The following FHIT variants were observed in gnomAD, a reference collection of about 807,000 sequenced individuals.
The protein encoded by FHIT is bis(5'-adenosyl)-triphosphatase.
Under a neutral mutation model 17.9 loss-of-function variants are expected in FHIT, and 19 were observed. The ratio of observed to expected loss-of-function variants is 1.06; its 90% CI spans 0.74 to 1.56. The LOEUF (loss-of-function observed/expected upper bound fraction) is 1.56. Among genes scored for constraint, FHIT ranks in the 40% most tolerant of loss-of-function variants. The pLI is 0.00. For missense variants in FHIT, 248 were observed against 189.2 expected (o/e 1.31, Z -1.82); for synonymous variants, 81 against 69.7 (o/e 1.16, Z -0.81).
At chr3:60,059,565 T>C (rs937801830) in intron 5 of FHIT, among the ~76,000 whole-genome samples, 1 of 152,178 alleles carries the variant, frequency 6.6e-6, no homozygotes, top group Non-Finnish European at 1.5e-5. Context: ...TAAAGCTTTT[T>C]AATAAACTTC....
At chr3:60,632,966 T>C (rs2039485492) in intron 4 of FHIT, among the ~76,000 whole-genome samples, 1 of 152,134 alleles carries the variant, frequency 6.6e-6, no homozygotes, top group South Asian at 2.1e-4. Flanking sequence ...CCTTCAGAGG[T>C]AGGTATCTTG....
At chr3:60,051,835 G>GA (rs1308528859) in intron 5 of FHIT, among the ~76,000 whole-genome samples, 1 of 151,932 alleles carries the variant, frequency 6.6e-6, no homozygotes, top group African/African-American at 2.4e-5. Context: ...CAACATACAG[G>GA]AAAAAAATAA....
chr3:60,128,292 T>A (rs907759939), intron 5 of FHIT, among the ~76,000 whole-genome samples: 1 of 152,168 alleles, frequency 6.6e-6, no homozygotes, highest in Non-Finnish European at 1.5e-5. Flanking sequence ...TGTTCCCTCA[T>A]GCTATTCTTG....
chr3:59,903,614 A>G (rs1704437626), intron 8 of FHIT, among the ~76,000 whole-genome samples: 1 of 152,314 alleles, frequency 6.6e-6, no homozygotes, highest in Admixed American at 6.5e-5. Context: ...ATACTCAAAC[A>G]TATGTGTGGT....
chr3:61,102,694 T>C (rs2035869986), intron 2 of FHIT, among the ~76,000 whole-genome samples: 2 of 152,214 alleles, frequency 1.3e-5, no homozygotes, highest in South Asian at 4.1e-4. Flanking sequence ...TGGACTTTTT[T>C]GGTTGGTAGG....
chr3:61,186,691 C>T (rs2218088), intron 2 of FHIT, among the ~76,000 whole-genome samples: 4 of 152,110 alleles, frequency 2.6e-5, no homozygotes, highest in African/African-American at 4.8e-5. Flanking sequence ...CACCATCTAA[C>T]CTTTTGTCAA....
At chr3:59,891,728 T>C (rs569972157) in intron 8 of FHIT, among the ~76,000 whole-genome samples, 27 of 152,262 alleles carry the variant, frequency 1.8e-4, no homozygotes, top group Non-Finnish European at 3.7e-4. Flanking sequence ...GCCCTTGCTT[T>C]ATAAAACATA....
intron 5 of FHIT, among the ~76,000 whole-genome samples, chr3:60,197,257 C>T (rs527438592): frequency 5.9e-5 from 9 of 152,058 alleles, no homozygotes; most frequent in Admixed American, 3.3e-4. Context: ...CTAGTCCAAA[C>T]TGAGATGTGC....
intron 8 of FHIT, among the ~76,000 whole-genome samples, chr3:59,889,541 G>T (rs1407407289): frequency 6.6e-6 from 1 of 152,166 alleles, no homozygotes; most frequent in Non-Finnish European, 1.5e-5. Context: ...CAAGTGATTT[G>T]CATTCTTGAG....
chr3:60,654,207 C>T (rs1379973808), intron 4 of FHIT, among the ~76,000 whole-genome samples: 2 of 152,138 alleles, frequency 1.3e-5, no homozygotes, highest in Non-Finnish European at 2.9e-5. Context: ...GAACCATGAG[C>T]CAATTAAACC....
At chr3:60,832,738 C>A (rs540251124) in intron 3 of FHIT, among the ~76,000 whole-genome samples, 1 of 150,088 alleles carries the variant, frequency 6.7e-6, no homozygotes, top group South Asian at 2.1e-4. Flanking sequence ...TTCCTGTTTT[C>A]AATCTGGAAG....
At chr3:60,940,186 T>C (rs1708347740) in intron 3 of FHIT, among the ~76,000 whole-genome samples, 1 of 152,184 alleles carries the variant, frequency 6.6e-6, no homozygotes, top group African/African-American at 2.4e-5. Context: ...ATCTGCTCCA[T>C]CTTCCCATTG....
chr3:60,091,360 T>G (rs1329662008), intron 5 of FHIT, among the ~76,000 whole-genome samples: 4 of 152,098 alleles, frequency 2.6e-5, no homozygotes, highest in African/African-American at 9.7e-5. Context: ...CTTTCTAGAG[T>G]TGTAAGCGAA....
intron 4 of FHIT, among the ~76,000 whole-genome samples, chr3:60,811,059 G>A (rs1701556650): frequency 6.6e-6 from 1 of 152,028 alleles, no homozygotes; most frequent in African/African-American, 2.4e-5. Flanking sequence ...TATGAAACAT[G>A]GACAATAACA....
chr3:60,873,653 C>A (rs1000469204), intron 3 of FHIT, among the ~76,000 whole-genome samples: 2 of 152,198 alleles, frequency 1.3e-5, no homozygotes, highest in Non-Finnish European at 2.9e-5. Flanking sequence ...GAAATTCACA[C>A]TGACTGACTC....
intron 5 of FHIT, among the ~76,000 whole-genome samples, chr3:60,293,681 A>G (rs1368309920): frequency 1.1e-4 from 16 of 152,188 alleles, no homozygotes. Context: ...GAGAAAGTGT[A>G]GCTCTTAGGC....
intron 5 of FHIT, among the ~76,000 whole-genome samples, chr3:60,518,482 T>A (rs1375345409): frequency 6.6e-6 from 1 of 152,338 alleles, no homozygotes; most frequent in Admixed American, 6.5e-5. Context: ...TCTTGAAGTT[T>A]ATGAGATGTG....
intron 5 of FHIT, among the ~76,000 whole-genome samples, chr3:60,125,591 C>T (rs1044464701): frequency 1.3e-5 from 2 of 148,766 alleles, no homozygotes; most frequent in Admixed American, 1.3e-4. Flanking sequence ...AAGATCATGC[C>T]ATTGCGACAG....
intron 4 of FHIT, among the ~76,000 whole-genome samples, chr3:60,552,601 G>C (rs1301882576): frequency 1.3e-5 from 2 of 152,054 alleles, no homozygotes; most frequent in African/African-American, 4.8e-5. Context: ...GTATAGTGAA[G>C]GCCAAGAAGC....
Sources: gnomAD v4.1 joint callset for allele counts (sites outside exome capture counted in the v4.1 genomes callset) on GRCh38, gnomAD v4.1.1 for gene constraint, MANE v1.5 for transcripts, NCBI Gene and HGNC (gene_info 2026-07-23, HGNC 2026-07-21) for gene names.